The following PRKG1 variants were observed in gnomAD, a reference collection of about 807,000 sequenced individuals.
PRKG1 encodes the protein cGMP-dependent protein kinase 1.
Under a neutral mutation model 88.1 loss-of-function variants are expected in PRKG1, and 35 were observed. That is an observed-to-expected ratio of 0.40 (90% CI 0.30 to 0.53). PRKG1 has a LOEUF of 0.53. Among genes scored for constraint, PRKG1 ranks in the 20% least tolerant of loss-of-function variants. The probability of loss-of-function intolerance (pLI) is 0.59; values close to 1 mark genes in which losing one functional copy is unlikely to be tolerated. For missense variants in PRKG1, 540 were observed against 839.8 expected, an observed-to-expected ratio of 0.64 and a Z score of 4.41; for synonymous variants, 303 against 292.5, an observed-to-expected ratio of 1.04 and a Z score of -0.37.
intron 5 of PRKG1, among the ~76,000 whole-genome samples, chr10:52,025,028 G>T (rs549929340): frequency 6.6e-6 from 1 of 152,268 alleles, no homozygotes; most frequent in African/African-American, 2.4e-5. Context: ...CATTCTAACT[G>T]GTGTGAGATG....
chr10:51,925,502 A>G (rs974658142), intron 5 of PRKG1, among the ~76,000 whole-genome samples: 1 of 152,116 alleles, frequency 6.6e-6, no homozygotes, highest in Non-Finnish European at 1.5e-5. Context: ...CTTATCAAAG[A>G]CTAGAGGGAA....
chr10:51,210,454 A>T (rs1838182861), intron 2 of PRKG1, among the ~76,000 whole-genome samples: 1 of 152,206 alleles, frequency 6.6e-6, no homozygotes, highest in Non-Finnish European at 1.5e-5. Context: ...AAGGCAAGAA[A>T]TAACTAAGAT....
At chr10:51,717,482 A>G (rs1171669377) in intron 3 of PRKG1, among the ~76,000 whole-genome samples, 2 of 152,198 alleles carry the variant, frequency 1.3e-5, no homozygotes, top group Non-Finnish European at 2.9e-5. Context: ...GCACATCCCT[A>G]GATTACAGTA....
intron 4 of PRKG1, among the ~76,000 whole-genome samples, chr10:51,824,197 A>G (rs1052357822): frequency 1.3e-5 from 2 of 152,288 alleles, no homozygotes; most frequent in African/African-American, 4.8e-5. Flanking sequence ...TTGTATATCC[A>G]TATGATAAAT....
intron 3 of PRKG1, among the ~76,000 whole-genome samples, chr10:51,796,954 A>G (rs189232957): frequency 6.6e-6 from 1 of 152,142 alleles, no homozygotes; most frequent in African/African-American, 2.4e-5. Context: ...GACTAATACA[A>G]CTATCTTTGC....
At chr10:51,122,385 A>G (rs114775004) in intron 1 of PRKG1, among the ~76,000 whole-genome samples, 1 of 152,276 alleles carries the variant, frequency 6.6e-6, no homozygotes, top group African/African-American at 2.4e-5. Flanking sequence ...GCTTTTGTTC[A>G]AACACCATTT....
chr10:51,267,507 C>A (rs1839866914), intron 2 of PRKG1, among the ~76,000 whole-genome samples: 1 of 152,090 alleles, frequency 6.6e-6, no homozygotes, highest in African/African-American at 2.4e-5. Context: ...CGGTTTATTT[C>A]TATCAGATAA....
chr10:51,276,485 T>C (rs1363590236), intron 2 of PRKG1, among the ~76,000 whole-genome samples: 1 of 152,228 alleles, frequency 6.6e-6, no homozygotes, highest in Non-Finnish European at 1.5e-5. Flanking sequence ...TACCCAGTAA[T>C]GGGATGGCTG....
intron 3 of PRKG1, among the ~76,000 whole-genome samples, chr10:51,502,042 AT>A (rs1841042388): frequency 6.6e-6 from 1 of 152,156 alleles, no homozygotes; most frequent in Non-Finnish European, 1.5e-5. Context: ...AATAAAAACA[AT>A]TTAAACCACA....
Position 52,012,662 on chromosome 10 carries a change from C to T in PRKG1, c.763-41822C>T, listed in dbSNP as rs566335857. On this transcript the variant is annotated intron_variant, in intron 5 of 17. Coordinates refer to ENST00000373980, the MANE Select transcript of PRKG1 (RefSeq NM_006258.4). ...TCTGCCTCCCAAAGTACTGGGATTA[C>T]AGGCATCTGGCTTATTTGCCTTTTT... is the stretch of plus-strand genomic sequence containing the variant. 2.0e-5 allele frequency among the ~76,000 whole-genome samples: 3 copies of T among 152,302 alleles called. No individual in the cohort carries two copies. The South Asian group carries it at 6.2e-4, about 32-fold the overall frequency.
intron 7 of PRKG1, among the ~76,000 whole-genome samples, chr10:52,088,925 G>T (rs1351104440): frequency 6.6e-6 from 1 of 152,082 alleles, no homozygotes; most frequent in East Asian, 1.9e-4. Context: ...TCAATCCATA[G>T]ATCATATTAC....
chr10:51,249,762 G>A (rs942673455), intron 2 of PRKG1, among the ~76,000 whole-genome samples: 1 of 151,744 alleles, frequency 6.6e-6, no homozygotes, highest in African/African-American at 2.4e-5. Context: ...TATGTGTGAG[G>A]CACTGTTCCA....
At chr10:52,020,641 C>T (rs896558942) in intron 5 of PRKG1, among the ~76,000 whole-genome samples, 1 of 152,024 alleles carries the variant, frequency 6.6e-6, no homozygotes, top group African/African-American at 2.4e-5. Context: ...GGCCCCTTTC[C>T]CATGATTCTT....
At chr10:51,503,031 A>T (rs546167089) in intron 3 of PRKG1, among the ~76,000 whole-genome samples, 20 of 152,110 alleles carry the variant, frequency 1.3e-4, no homozygotes, top group Non-Finnish European at 2.4e-4. Context: ...TTAAATTTTA[A>T]TCTCAATTTC....
intron 7 of PRKG1, among the ~76,000 whole-genome samples, chr10:52,131,478 A>G (rs1021696176): frequency 1.3e-5 from 2 of 152,002 alleles, no homozygotes; most frequent in Non-Finnish European, 2.9e-5. Context: ...ACTAAGCAAA[A>G]GTTAGAGAGG....
At chr10:51,206,257 C>T (rs562651250) in intron 2 of PRKG1, among the ~76,000 whole-genome samples, 20 of 151,694 alleles carry the variant, frequency 1.3e-4, no homozygotes, top group Middle Eastern at 3.4e-3. Flanking sequence ...TTTGGGAGGC[C>T]GAGGCGGGTG....
At chr10:52,172,170 T>G (rs780988121) in intron 9 of PRKG1, among the ~76,000 whole-genome samples, 1 of 152,210 alleles carries the variant, frequency 6.6e-6, no homozygotes, top group Non-Finnish European at 1.5e-5. Flanking sequence ...TCTTTGAGAC[T>G]CTCTAGGTAA....
At chr10:51,917,794 C>G (rs1391312258) in intron 5 of PRKG1, among the ~76,000 whole-genome samples, 1 of 152,096 alleles carries the variant, frequency 6.6e-6, no homozygotes, top group Non-Finnish European at 1.5e-5. Flanking sequence ...AGTTCTAATT[C>G]TCAGTGATTT....
intron 14 of PRKG1, among the ~76,000 whole-genome samples, chr10:52,287,710 A>T (rs1428645962): frequency 3.8e-4 from 57 of 151,778 alleles, no homozygotes; most frequent in African/African-American, 1.3e-3. Context: ...AAAAAAAAAA[A>T]AAAAAAAAAA....
Sources: allele counts gnomAD v4.1 joint callset (sites outside exome capture counted in the v4.1 genomes callset), GRCh38; gene constraint gnomAD v4.1.1; transcripts MANE v1.5; gene names NCBI Gene and HGNC (gene_info 2026-07-23, HGNC 2026-07-21).